DPYD: variants seen among roughly 807,000 people sequenced by gnomAD.
DPYD encodes the protein dihydropyrimidine dehydrogenase [NADP(+)].
A neutral mutation model predicts 116.2 loss-of-function variants in DPYD; 109 were observed. That is an observed-to-expected ratio of 0.94 (90% CI 0.80 to 1.10). The LOEUF is 1.10. Ranked by LOEUF, DPYD falls within the 50% of genes least tolerant of loss-of-function variation. The pLI is 0.00. For synonymous variants in DPYD, 440 were observed against 432.0 expected, an observed-to-expected ratio of 1.02 and a Z score of -0.23; for missense variants, 1,302 against 1,254.5, an observed-to-expected ratio of 1.04 and a Z score of -0.57.
intron 3 of DPYD, among the ~76,000 whole-genome samples, chr1:97,748,459 A>G (rs1164418884): frequency 6.6e-6 from 1 of 152,102 alleles, no homozygotes; most frequent in Non-Finnish European, 1.5e-5. Flanking sequence ...ATTCAAAAAA[A>G]TTAGCCAGGC....
chr1:97,566,317 A>G (rs1652516509), intron 11 of DPYD, among the ~76,000 whole-genome samples: 1 of 152,150 alleles, frequency 6.6e-6, no homozygotes, highest in South Asian at 2.1e-4. Flanking sequence ...TAGCCACCAT[A>G]CGTTATTTAA....
chr1:97,126,589 C>T (rs1321192625), intron 20 of DPYD, among the ~76,000 whole-genome samples: 1 of 152,162 alleles, frequency 6.6e-6, no homozygotes, highest in Non-Finnish European at 1.5e-5. Flanking sequence ...CCAGGAAGCA[C>T]TCCCTGATGA....
chr1:97,160,405 C>G (rs575783839), intron 20 of DPYD, among the ~76,000 whole-genome samples: 9 of 152,038 alleles, frequency 5.9e-5, no homozygotes, highest in African/African-American at 1.2e-4. Flanking sequence ...AACACTGTAT[C>G]TTTTCTGTAG....
chr1:97,612,165 T>A (rs1261335450), intron 8 of DPYD, among the ~76,000 whole-genome samples: 1 of 152,020 alleles, frequency 6.6e-6, no homozygotes, highest in Non-Finnish European at 1.5e-5. Flanking sequence ...AATATGGTGT[T>A]GCATTTTTAA....
chr1:97,106,527 C>T (rs781705857), intron 20 of DPYD, among the ~76,000 whole-genome samples: 3 of 152,106 alleles, frequency 2.0e-5, no homozygotes, highest in Non-Finnish European at 2.9e-5. Context: ...CATCCATCTT[C>T]GCATGCTCTT....
intron 13 of DPYD, among the ~76,000 whole-genome samples, chr1:97,461,523 GA>G (rs1201278863): frequency 6.6e-6 from 1 of 151,782 alleles, no homozygotes; most frequent in Non-Finnish European, 1.5e-5. Context: ...AAAATGGAAA[GA>G]AAAAAATGAG....
At chr1:97,417,335 A>C (rs1200076755) in intron 14 of DPYD, among the ~76,000 whole-genome samples, 1 of 152,078 alleles carries the variant, frequency 6.6e-6, no homozygotes, top group Non-Finnish European at 1.5e-5. Flanking sequence ...CTCTATCTCC[A>C]TTGCTTCTTT....
At chr1:97,430,123 T>C (rs1675094367) in intron 14 of DPYD, among the ~76,000 whole-genome samples, 2 of 152,136 alleles carry the variant, frequency 1.3e-5, no homozygotes, top group African/African-American at 4.8e-5. Context: ...TTGAGAATGC[T>C]AAATAATGGC....
intron 8 of DPYD, among the ~76,000 whole-genome samples, chr1:97,621,898 C>T (rs766257231): frequency 1.3e-5 from 2 of 151,932 alleles, no homozygotes; most frequent in Non-Finnish European, 2.9e-5. Context: ...ACTAAAAGAA[C>T]TCCCAATGGA....
chr1:97,197,764 G>T (rs951488739), intron 19 of DPYD, among the ~76,000 whole-genome samples: 3 of 152,118 alleles, frequency 2.0e-5, no homozygotes, highest in African/African-American at 7.2e-5. Context: ...TACAGGGTTG[G>T]TGTTTCACAT....
chr1:97,684,928 T>C (rs1015747811), intron 7 of DPYD, among the ~76,000 whole-genome samples: 10 of 152,166 alleles, frequency 6.6e-5, no homozygotes, highest in Non-Finnish European at 1.5e-4. Flanking sequence ...AAATAGAAGC[T>C]GGTACCATTT....
intron 1 of DPYD, among the ~76,000 whole-genome samples, chr1:97,890,933 A>T (rs1036962833): frequency 6.6e-6 from 1 of 151,998 alleles, no homozygotes; most frequent in Non-Finnish European, 1.5e-5. Context: ...AGAAAGCATA[A>T]CATAACATGA....
intron 12 of DPYD, among the ~76,000 whole-genome samples, chr1:97,525,976 AGAGTGTGT>A (rs1557773027): frequency 1.4e-5 from 1 of 73,720 alleles, no homozygotes; most frequent in Non-Finnish European, 2.9e-5. Context: ...TGGGTAATTA[AGAGTGTGT>A]GTGTGTGTGT....
intron 20 of DPYD, among the ~76,000 whole-genome samples, chr1:97,142,808 G>A (rs1024196514): frequency 1.3e-5 from 2 of 151,574 alleles, no homozygotes; most frequent in Non-Finnish European, 2.9e-5. Flanking sequence ...TTTTAAATTT[G>A]GTTCTTCTAA....
intron 8 of DPYD, among the ~76,000 whole-genome samples, chr1:97,602,648 CT>C (rs1245369743): frequency 2.0e-5 from 3 of 151,818 alleles, no homozygotes; most frequent in East Asian, 3.9e-4. Context: ...AAAATTATGG[CT>C]TTCTTTATGG....
chr1:97,157,703 G>T (rs763884873), intron 20 of DPYD, among the ~76,000 whole-genome samples: 2 of 152,042 alleles, frequency 1.3e-5, no homozygotes, highest in Non-Finnish European at 2.9e-5. Context: ...ATAGAGTATT[G>T]CTTCTGAAAT....
intron 14 of DPYD, among the ~76,000 whole-genome samples, chr1:97,391,804 C>G (rs544160199): frequency 1.3e-5 from 2 of 152,124 alleles, no homozygotes; most frequent in African/African-American, 4.8e-5. Flanking sequence ...AAATAATAGG[C>G]TATACAAGAC....
In DPYD at chr1:97,085,906, T is replaced by C. The variant is rs147957986; in HGVS notation, c.2767-3436A>G. On this transcript the variant is annotated intron_variant, in intron 21 of 22. Coordinates refer to ENST00000370192, the MANE Select transcript of DPYD (RefSeq NM_000110.4). ...GTAGATATGTATGTGGAGAAAGCAA[T>C]GTTAAATCTTTTAAATTATAGATGA... Among the ~76,000 whole-genome samples, 631 of 152,358 alleles carry C rather than the reference T, an allele frequency of 4.1e-3. 5 individuals are homozygous for C. Among genetic ancestry groups the C allele is most frequent in the African/African-American group, 0.015 (605 of 41,584 alleles).
intron 5 of DPYD, among the ~76,000 whole-genome samples, chr1:97,705,254 G>T (rs995067593): frequency 6.6e-6 from 1 of 151,918 alleles, no homozygotes; most frequent in Non-Finnish European, 1.5e-5. Context: ...CTAGCATTAG[G>T]TATATCTCCT....
Sources: gnomAD v4.1 joint callset for allele counts (sites outside exome capture counted in the v4.1 genomes callset) on GRCh38, gnomAD v4.1.1 for gene constraint, MANE v1.5 for transcripts, NCBI Gene and HGNC (gene_info 2026-07-23, HGNC 2026-07-21) for gene names.